The following PPFIA2 variants were observed in gnomAD, a reference collection of about 807,000 sequenced individuals.
PPFIA2 encodes PPFI scaffold protein A2.
A neutral mutation model predicts 175.5 loss-of-function variants in PPFIA2; 46 were observed. That is an observed-to-expected ratio of 0.26 (90% CI 0.21 to 0.34). The LOEUF is 0.34. Ranked by LOEUF, PPFIA2 falls within the 10% of genes least tolerant of loss-of-function variation. The probability of loss-of-function intolerance (pLI) is 1.00; values close to 1 mark genes in which losing one functional copy is unlikely to be tolerated. For missense variants in PPFIA2, 1,179 were observed against 1,506.1 expected (o/e 0.78, Z 3.60); for synonymous variants, 568 against 511.4 (o/e 1.11, Z -1.49).
chr12:81,391,717 G>T (rs1243928049), intron 8 of PPFIA2, among the ~76,000 whole-genome samples: 1 of 151,894 alleles, frequency 6.6e-6, no homozygotes, highest in East Asian at 1.9e-4. Flanking sequence ...GATGTCACAT[G>T]CAGTATTTGG....
chr12:81,331,665 C>T (rs1218751096), intron 21 of PPFIA2, among the ~76,000 whole-genome samples: 1 of 152,144 alleles, frequency 6.6e-6, no homozygotes, highest in African/African-American at 2.4e-5. Context: ...TGGCCCTAAC[C>T]TAATAATATA....
rs527899448 is a variant in PPFIA2 at position 81,297,658 on chromosome 12, T to C, written c.2724+1643A>G. ...ATCTAAATATGTCTTCTTTGGACCC[T>C]AATGATTTTTTTACCTTTGTCTTCT... On this transcript the variant is annotated intron_variant, in intron 23 of 32. Transcript: ENST00000549396. 1.6e-4 allele frequency among the ~76,000 whole-genome samples: 25 copies of C among 152,338 alleles called. 1 individual carries two copies. Among genetic ancestry groups the C allele is most frequent in the African/African-American group, 5.8e-4 (24 of 41,572 alleles).
chr12:81,669,636 A>C (rs2071038218), intron 4 of PPFIA2, among the ~76,000 whole-genome samples: 1 of 151,996 alleles, frequency 6.6e-6, no homozygotes, highest in Non-Finnish European at 1.5e-5. Flanking sequence ...AGCCATGAGG[A>C]TATCTGAGGG....
chr12:81,533,318 G>A (rs1277297759), intron 4 of PPFIA2, among the ~76,000 whole-genome samples: 13 of 151,600 alleles, frequency 8.6e-5, no homozygotes. Context: ...ATTCTCCAAA[G>A]CTTACTTACG....
At chr12:81,746,971 G>A (rs1301408517) in intron 3 of PPFIA2, among the ~76,000 whole-genome samples, 1 of 143,614 alleles carries the variant, frequency 7.0e-6, no homozygotes, top group Non-Finnish European at 1.6e-5. Context: ...CAAGGGACAT[G>A]GAGAATATGA....
intron 22 of PPFIA2, among the ~76,000 whole-genome samples, chr12:81,306,688 G>A (rs910001481): frequency 3.3e-5 from 5 of 151,512 alleles, no homozygotes; most frequent in African/African-American, 9.7e-5. Context: ...TTATAGGCAC[G>A]TGCCACCATG....
intron 4 of PPFIA2, among the ~76,000 whole-genome samples, chr12:81,673,273 T>A (rs2153565669): frequency 6.6e-6 from 1 of 152,180 alleles, no homozygotes; most frequent in African/African-American, 2.4e-5. Context: ...TACAGATACA[T>A]AACAGAGTTC....
At chr12:81,486,284 T>C (rs778025312) in intron 4 of PPFIA2, among the ~76,000 whole-genome samples, 5 of 151,864 alleles carry the variant, frequency 3.3e-5, no homozygotes, top group Admixed American at 6.6e-5. Context: ...TACTGTCTTA[T>C]GTGGCAGAAT....
At chr12:81,685,669 C>A (rs1159701739) in intron 3 of PPFIA2, among the ~76,000 whole-genome samples, 1 of 151,904 alleles carries the variant, frequency 6.6e-6, no homozygotes, top group Admixed American at 6.6e-5. Flanking sequence ...CATAAATCTG[C>A]AGAACAACAT....
chr12:81,286,787 G>A (rs1006179342), intron 24 of PPFIA2, among the ~76,000 whole-genome samples: 1 of 151,924 alleles, frequency 6.6e-6, no homozygotes, highest in Non-Finnish European at 1.5e-5. Context: ...TCAAATATAT[G>A]TATAGAATTT....
In PPFIA2 at chr12:81,403,709, C is replaced by T. The variant is rs2042434850; in HGVS notation, c.762+2078G>A. On this transcript the variant is annotated intron_variant, in intron 8 of 32. Coordinates refer to ENST00000549396, the MANE Select transcript of PPFIA2 (RefSeq NM_003625.5). ...AGAACATTCCTCTAGGAACACTCAA[C>T]TGGTAAGGGAAAAATGCCTCCAGTA... 1.3e-5 allele frequency among the ~76,000 whole-genome samples: 2 copies of T among 152,126 alleles called. 1 individual carries two copies. Among genetic ancestry groups the T allele is most frequent in the Admixed American group, 1.3e-4 (2 of 15,272 alleles).
chr12:81,663,289 C>T (rs1461762399), intron 4 of PPFIA2, among the ~76,000 whole-genome samples: 3 of 152,058 alleles, frequency 2.0e-5, no homozygotes, highest in Admixed American at 6.6e-5. Flanking sequence ...TCTAGAAAAC[C>T]CCATCGTCTC....
At chr12:81,725,195 T>G (rs1351734230) in intron 3 of PPFIA2, among the ~76,000 whole-genome samples, 1 of 150,964 alleles carries the variant, frequency 6.6e-6, no homozygotes, top group East Asian at 1.9e-4. Flanking sequence ...TAGAAAAACT[T>G]ACATAATAAG....
chr12:81,623,182 C>T (rs528738795), intron 4 of PPFIA2, among the ~76,000 whole-genome samples: 1 of 151,950 alleles, frequency 6.6e-6, no homozygotes, highest in Non-Finnish European at 1.5e-5. Context: ...GAAGATTAGC[C>T]TTCCAGATAG....
chr12:81,389,124 T>TA (rs748535177), intron 8 of PPFIA2, among the ~76,000 whole-genome samples: 101 of 137,120 alleles, frequency 7.4e-4, no homozygotes, highest in Non-Finnish European at 1.5e-3. Context: ...TATTCAATAT[T>TA]TTATATATAT....
At chr12:81,739,528 C>G (rs2082075663) in intron 3 of PPFIA2, among the ~76,000 whole-genome samples, 1 of 151,876 alleles carries the variant, frequency 6.6e-6, no homozygotes. Context: ...AGAAATAGAT[C>G]ATGAAATAAT....
rs1567688594 is a variant in PPFIA2 at position 81,642,736 on chromosome 12, TG to T, written c.303+34054del. On this transcript the variant is annotated intron_variant, in intron 4 of 32. Transcript: ENST00000549396. The stretch of plus-strand genomic sequence containing the variant: ...TATGTATTATATACATACATGTATA[TG>T]TATGTATGTATTATATACATACATG... 4.4e-4 allele frequency among the ~76,000 whole-genome samples: 12 copies of T among 27,532 alleles called. 1 individual carries two copies. Among genetic ancestry groups the T allele is most frequent in the Non-Finnish European group, 9.3e-4 (12 of 12,920 alleles). 18.1% of individuals were successfully genotyped at this position (27,532 alleles called of 152,430 possible).
At chr12:81,583,644 G>A (rs1274244979) in intron 4 of PPFIA2, among the ~76,000 whole-genome samples, 2 of 151,870 alleles carry the variant, frequency 1.3e-5, no homozygotes, top group African/African-American at 4.8e-5. Flanking sequence ...CTTAGCTGAT[G>A]GAGTATTCTT....
rs568410563 is a variant in PPFIA2 at position 81,735,576 on chromosome 12, T to G, written c.249+18397A>C. Among the ~76,000 whole-genome samples the G allele has an allele frequency of 3.3e-5, 5 of 151,774 alleles. No homozygotes were observed. The South Asian group carries it at 8.3e-4, about 25-fold the overall frequency. On this transcript the variant is annotated intron_variant, in intron 3 of 32. Coordinates refer to ENST00000549396, the MANE Select transcript of PPFIA2 (RefSeq NM_003625.5). ...TTTTCTTACTATTTTGAAGTATAAG[T>G]TTTTTTTATTTTGATGAAGTTCTAT...
Sources: gnomAD v4.1 joint callset for allele counts (sites outside exome capture counted in the v4.1 genomes callset) on GRCh38, gnomAD v4.1.1 for gene constraint, MANE v1.5 for transcripts, NCBI Gene and HGNC (gene_info 2026-07-23, HGNC 2026-07-21) for gene names.